HSPH1: variants seen among roughly 807,000 people sequenced by gnomAD.
HSPH1 encodes the protein heat shock protein 105 kDa.
A neutral mutation model predicts 100.0 loss-of-function variants in HSPH1; 40 were observed. The observed-to-expected ratio is 0.40, with a 90% CI of 0.31 to 0.52. The LOEUF (loss-of-function observed/expected upper bound fraction) is 0.52. Among genes scored for constraint, HSPH1 ranks in the 20% least tolerant of loss-of-function variants. The pLI, the probability that HSPH1 is intolerant of heterozygous loss-of-function variation, is 0.54. For synonymous variants in HSPH1, 403 were observed against 344.0 expected (o/e 1.17, Z -1.90); for missense variants, 876 against 1,015.1 (o/e 0.86, Z 1.86).
At chr13:31,150,827 G>C in intron 7 of HSPH1, 120 bp downstream of exon 7, 1 of 970,204 alleles carries the variant, frequency 1.0e-6, no homozygotes, top group South Asian at 1.7e-5. Flanking sequence ...TCCAGCCACA[G>C]GCATGTAACA....
At chr13:31,158,587 G>C (rs889196116) in intron 2 of HSPH1, among the ~76,000 whole-genome samples, 34 of 146,146 alleles carry the variant, frequency 2.3e-4, no homozygotes, top group Non-Finnish European at 4.8e-4. Flanking sequence ...AAGGATGGCA[G>C]ATTAGAAAGT....
intron 11 of HSPH1, among the ~76,000 whole-genome samples, 182 bp from the exon 12 acceptor site, chr13:31,144,105 CT>C: frequency 6.6e-6 from 1 of 152,094 alleles, no homozygotes; most frequent in Non-Finnish European, 1.5e-5. Flanking sequence ...AATTCTAAAC[CT>C]GTAAAAAAAT....
At chr13:31,151,790 G>A (rs1394034685) in intron 5 of HSPH1, 48 bp from the exon 6 acceptor site, 1 of 1,512,516 alleles carries the variant, frequency 6.6e-7, no homozygotes, top group Non-Finnish European at 9.0e-7. Context: ...ATTTTCTTAG[G>A]AATCTCACTG....
intron 4 of HSPH1, chr13:31,154,362 TA>T: frequency 2.1e-6 from 1 of 484,756 alleles, no homozygotes; most frequent in South Asian, 2.1e-5. Flanking sequence ...CAACTAACTG[TA>T]TTAGAATACT....
chr13:31,138,940 T>A, intron 15 of HSPH1, 40 bp from the exon 16 acceptor site: 1 of 1,573,748 alleles, frequency 6.4e-7, no homozygotes, highest in East Asian at 2.3e-5. Context: ...ATCATAATTT[T>A]ATTTTAAAGT....
At chr13:31,150,225 A>G (rs1268673897) in intron 7 of HSPH1, 43 bp from the exon 8 acceptor site, 1 of 1,344,318 alleles carries the variant, frequency 7.4e-7, no homozygotes, top group Non-Finnish European at 1.0e-6. Context: ...TAAGACCAAT[A>G]TCCTGTCCTA....
chr13:31,150,855 G>C, intron 7 of HSPH1, 92 bp downstream of exon 7: 1 of 1,282,530 alleles, frequency 7.8e-7, no homozygotes, highest in Non-Finnish European at 1.1e-6. Context: ...CTGAAATGTA[G>C]GCCAAGACTC....
At chr13:31,141,527 TCTTTA>T (rs1956089463) in intron 12 of HSPH1, among the ~76,000 whole-genome samples, 1 of 152,076 alleles carries the variant, frequency 6.6e-6, no homozygotes, top group African/African-American at 2.4e-5. Flanking sequence ...TCTTCGCAAG[TCTTTA>T]CTTTCTAAGC....
rs1263847694 is a variant in HSPH1, at chr13:31,141,316, C to CA, written c.1717-58dup. On this transcript the variant is annotated intron_variant, in intron 12 of 17. Coordinates refer to ENST00000320027, the MANE Select transcript of HSPH1 (RefSeq NM_006644.4). ...TTTAAACAACCCACTTGGAAAAACA[C>CA]AAAAAAAATGTCCTCATACTTACTG... 45 of 1,455,578 alleles carry CA rather than the reference C, an allele frequency of 3.1e-5. 1 individual carries two copies. Among genetic ancestry groups the CA allele is most frequent in the South Asian group, 5.3e-5 (4 of 75,390 alleles). 90.2% of individuals were successfully genotyped at this position (1,455,578 alleles called of 1,614,324 possible).
Position 31,161,872 on chromosome 13 carries a change from C to T in HSPH1, c.-290G>A, listed in dbSNP as rs1426315208. ...TTGCCTGCCTCACTCTGCCGCGGCT[C>T]GCACACCGGCGCCGGCGCTGAACTA... On this transcript the variant is annotated 5_prime_UTR_variant, in exon 1 of 18. Coordinates refer to ENST00000320027, the MANE Select transcript of HSPH1 (RefSeq NM_006644.4). The T allele has an allele frequency of 6.1e-6, 9 of 1,484,586 alleles. No homozygotes were observed. Among genetic ancestry groups the T allele is most frequent in the African/African-American group, 1.4e-5 (1 of 71,714 alleles). The allele number at this position is 1,484,586 out of a possible 1,614,324, so 92.0% of individuals were successfully genotyped here. A position where few individuals can be genotyped will look rare whatever the true frequency, so the allele number is the denominator to read the frequency against.
chr13:31,138,728 G>A (rs1176439911), intron 16 of HSPH1, 53 bp downstream of exon 16: 31 of 1,569,918 alleles, frequency 2.0e-5, no homozygotes, highest in Non-Finnish European at 2.6e-5. Context: ...TTAAGTGTTA[G>A]CTTATTAAAA....
chr13:31,140,232 C>T lies in HSPH1; in HGVS notation c.1932G>A (p.Glu644=), dbSNP rs144947618. The T allele has an allele frequency of 4.3e-4, 689 of 1,611,844 alleles. 1 individual carries two copies. The highest frequency in any genetic ancestry group is 5.2e-4 in the Non-Finnish European group (611 of 1,178,732). Residue 644 remains glutamate, a synonymous_variant, in exon 14 of 18, where the codon GAG becomes GAA. Transcript: ENST00000320027. The stretch of plus-strand genomic sequence containing the variant: ...ATGGTCCACACAGCTTGTCTCTGAA[C>T]TCATACACATATTCCTCAACTGCAT... The part of the protein sequence containing the change: ...AKNAVEEYVY[E]FRDKLCGPYE...
At chr13:31,151,847 A>T in intron 5 of HSPH1, 105 bp from the exon 6 acceptor site, 1 of 927,776 alleles carries the variant, frequency 1.1e-6, no homozygotes, top group Non-Finnish European at 1.6e-6. Flanking sequence ...AACTTGAAAC[A>T]ATTAAAGGTG....
In HSPH1 at chr13:31,155,619, G is replaced by C. The variant is rs1317899419; in HGVS notation, c.201C>G (p.Phe67Leu). The C allele has an allele frequency of 6.2e-7, 1 of 1,611,598 alleles. No individual in the cohort carries two copies. The highest frequency in any genetic ancestry group is 1.3e-5 in the African/African-American group (1 of 74,834). The part of the protein sequence containing the change: ...ITHANNTVSN[F>L]KRFHGRAFND... ...TGAATGCTCGGCCATGAAATCTTTT[G>C]AAGTTAGACACCGTATTGTTTGCAT... The change falls in exon 3 of 18, where the codon TTC (phenylalanine) becomes TTG (leucine). Residue 67 changes from phenylalanine to leucine, a missense_variant. Coordinates refer to ENST00000320027, the MANE Select transcript of HSPH1 (RefSeq NM_006644.4).
intron 5 of HSPH1, 138 bp from the exon 6 acceptor site, chr13:31,151,880 C>G: frequency 1.6e-6 from 1 of 631,444 alleles, no homozygotes; most frequent in Non-Finnish European, 2.7e-6. Flanking sequence ...TCCTTTTATA[C>G]CTGACTTCAC....
intron 15 of HSPH1, 45 bp downstream of exon 15, chr13:31,138,955 A>G: frequency 6.3e-7 from 1 of 1,583,424 alleles, no homozygotes; most frequent in Non-Finnish European, 8.6e-7. Flanking sequence ...TAAAGTCTAT[A>G]GTTTAAAACA....
intron 12 of HSPH1, among the ~76,000 whole-genome samples, chr13:31,143,279 A>G (rs962495567): frequency 6.6e-6 from 1 of 152,174 alleles, no homozygotes; most frequent in Non-Finnish European, 1.5e-5. Flanking sequence ...GTTAGCTTCC[A>G]ATACCTACTG....
rs530611658 is a variant in HSPH1, at chr13:31,142,796, G to T, written c.1716+996C>A. 1.2e-4 allele frequency among the ~76,000 whole-genome samples: 18 copies of T among 152,146 alleles called. No homozygotes were observed. The South Asian group carries it at 3.3e-3, about 28-fold the overall frequency. ...TTCTAGACAGGTACTAAGACTATCGGCAAGAGTTGATGTGTATGCTCATCC... is the reference window on the plus strand; with the variant it reads ...TTCTAGACAGGTACTAAGACTATCGTCAAGAGTTGATGTGTATGCTCATCC... On this transcript the variant is annotated intron_variant, in intron 12 of 17. Transcript: ENST00000320027.
chr13:31,144,262 T>C (rs1460391219), intron 11 of HSPH1, among the ~76,000 whole-genome samples: 3 of 152,178 alleles, frequency 2.0e-5, no homozygotes, highest in Non-Finnish European at 4.4e-5. Flanking sequence ...GGAAATAGAT[T>C]ACTCCAGGCC....
Sources: allele counts gnomAD v4.1 joint callset (sites outside exome capture counted in the v4.1 genomes callset), GRCh38; gene constraint gnomAD v4.1.1; transcripts MANE v1.5; gene names NCBI Gene and HGNC (gene_info 2026-07-23, HGNC 2026-07-21).